TYR: variants seen among roughly 807,000 people sequenced by gnomAD.
TYR encodes the protein LB24-AB.
In TYR, 58 loss-of-function variants were observed where a neutral mutation model predicts 51.5. The ratio of observed to expected loss-of-function variants is 1.13; its 90% CI spans 0.91 to 1.40. The LOEUF (loss-of-function observed/expected upper bound fraction) is 1.40. Among genes scored for constraint, TYR ranks in the 40% most tolerant of loss-of-function variants. The pLI, the probability that TYR is intolerant of heterozygous loss-of-function variation, is 0.00. For missense variants in TYR, 732 were observed against 647.4 expected (o/e 1.13, Z -1.42); for synonymous variants, 263 against 235.2 (o/e 1.12, Z -1.08).
intron 3 of TYR, among the ~76,000 whole-genome samples, chr11:89,268,784 T>C (rs1397976045): frequency 1.3e-5 from 2 of 151,842 alleles, no homozygotes; most frequent in Admixed American, 1.3e-4. Context: ...CCTCCACCTC[T>C]CTGGGCTCAC....
intron 1 of TYR, among the ~76,000 whole-genome samples, chr11:89,189,953 T>G (rs903122765): frequency 2.6e-5 from 4 of 152,108 alleles, no homozygotes; most frequent in Non-Finnish European, 5.9e-5. Context: ...GCTGAAAAAT[T>G]CCTGTCACCC....
At chr11:89,190,079 T>C (rs2135251992) in intron 1 of TYR, among the ~76,000 whole-genome samples, 1 of 152,280 alleles carries the variant, frequency 6.6e-6, no homozygotes, top group South Asian at 2.1e-4. Context: ...CATAGCATTA[T>C]GTACACTACA....
intron 3 of TYR, among the ~76,000 whole-genome samples, chr11:89,247,486 A>T (rs1209202592): frequency 6.6e-6 from 1 of 152,340 alleles, no homozygotes; most frequent in East Asian, 1.9e-4. Context: ...GAATGTTCCT[A>T]CAACAATGTA....
chr11:89,220,764 C>T (rs1303995313), intron 2 of TYR, among the ~76,000 whole-genome samples: 1 of 151,906 alleles, frequency 6.6e-6, no homozygotes, highest in African/African-American at 2.4e-5. Flanking sequence ...CTCAAAAAAA[C>T]AAAACTCAAA....
At position 89,193,585 on chromosome 11, in the gene TYR, C is replaced by T. The variant is rs143668154; in HGVS notation, c.1036+2167C>T. 1.2e-4 allele frequency among the ~76,000 whole-genome samples: 19 copies of T among 152,118 alleles called. No homozygotes were observed. In the South Asian group the frequency reaches 3.7e-3, roughly 30 times the overall value. ...CAGTCGTTCGGTAAGTATCTGATAA[C>T]CGAGTATGTAAATAATAGCTAGAAT... is the stretch of plus-strand genomic sequence containing the variant. On this transcript the variant is annotated intron_variant, in intron 2 of 4. Coordinates refer to ENST00000263321, the MANE Select transcript of TYR (RefSeq NM_000372.5).
intron 2 of TYR, among the ~76,000 whole-genome samples, chr11:89,210,198 T>C (rs1943734240): frequency 6.6e-6 from 1 of 152,106 alleles, no homozygotes; most frequent in African/African-American, 2.4e-5. Context: ...TTTAAACCCA[T>C]CGCAAGAAAG....
chr11:89,177,902 CTG>C lies in TYR; in HGVS notation c.-49_-48del. The C allele has an allele frequency of 6.3e-7, 1 of 1,577,922 alleles. No homozygotes were observed. Among genetic ancestry groups the C allele is most frequent in the South Asian group, 1.1e-5 (1 of 89,986 alleles). On this transcript the variant is annotated 5_prime_UTR_variant, in exon 1 of 5. Transcript: ENST00000263321. ...TGTAGTAGTAGCTGGAAAGAGAAAT[CTG>C]TGACTCCAATTAGCCAGTTCCTGCA...
intron 1 of TYR, among the ~76,000 whole-genome samples, chr11:89,182,983 A>C (rs1383136790): frequency 6.6e-6 from 1 of 152,122 alleles, no homozygotes; most frequent in Non-Finnish European, 1.5e-5. Context: ...GTCACATTTC[A>C]GCAGAGAGTC....
chr11:89,213,214 A>T (rs1943785429), intron 2 of TYR, among the ~76,000 whole-genome samples: 1 of 152,240 alleles, frequency 6.6e-6, no homozygotes. Flanking sequence ...AAATCTCCTT[A>T]AGCTGATAAG....
chr11:89,230,282 G>C (rs765820356), intron 3 of TYR, among the ~76,000 whole-genome samples: 6 of 152,080 alleles, frequency 3.9e-5, no homozygotes, highest in African/African-American at 1.4e-4. Flanking sequence ...AATGGGGAAA[G>C]GACAGTGTCT....
chr11:89,184,970 A>G (rs1295004526), intron 1 of TYR, among the ~76,000 whole-genome samples: 1 of 152,194 alleles, frequency 6.6e-6, no homozygotes, highest in Non-Finnish European at 1.5e-5. Flanking sequence ...ACATTTGTTT[A>G]TACATGCTTA....
At chr11:89,203,027 A>G (rs903001706) in intron 2 of TYR, among the ~76,000 whole-genome samples, 1 of 152,206 alleles carries the variant, frequency 6.6e-6, no homozygotes, top group Non-Finnish European at 1.5e-5. Context: ...GACTTCTTTG[A>G]TATCTAAAAA....
intron 2 of TYR, among the ~76,000 whole-genome samples, chr11:89,226,601 G>C (rs901289727): frequency 6.6e-6 from 1 of 152,094 alleles, no homozygotes; most frequent in East Asian, 1.9e-4. Flanking sequence ...CAGAAACACT[G>C]TCAGTCACAA....
At chr11:89,208,033 C>T (rs565986792) in intron 2 of TYR, among the ~76,000 whole-genome samples, 1 of 152,230 alleles carries the variant, frequency 6.6e-6, no homozygotes, top group South Asian at 2.1e-4. Context: ...CTTTGGGAGG[C>T]CAAGGCGGGG....
chr11:89,178,089 T>C lies in TYR; in HGVS notation c.136T>C (p.Cys46Arg). ...CPPWSGDRSP[C>R]GQLSGRGSCQ... is the part of the protein sequence containing the mutation. ...ACCGTGGAGCGGGGACAGGAGTCCC[T>C]GTGGCCAGCTTTCAGGCAGAGGTTC... The change falls in exon 1 of 5, where the codon TGT (cysteine) becomes CGT (arginine). Residue 46 changes from cysteine to arginine, a missense_variant. Cys to Arg is a radical substitution (Grantham distance 180, BLOSUM62 -3). Coordinates refer to ENST00000263321, the MANE Select transcript of TYR (RefSeq NM_000372.5). 6.2e-7 allele frequency: 1 copy of C among 1,614,232 alleles called. No individual in the cohort carries two copies. The highest frequency in any genetic ancestry group is 8.5e-7 in the Non-Finnish European group (1 of 1,180,036).
At chr11:89,235,422 T>A (rs1193833281) in intron 3 of TYR, among the ~76,000 whole-genome samples, 1 of 152,170 alleles carries the variant, frequency 6.6e-6, no homozygotes, top group African/African-American at 2.4e-5. Context: ...ACAATCAAAC[T>A]AAGTGTCCAT....
At chr11:89,287,308 G>T (rs1409105738) in intron 4 of TYR, among the ~76,000 whole-genome samples, 1 of 151,696 alleles carries the variant, frequency 6.6e-6, no homozygotes, top group Non-Finnish European at 1.5e-5. Context: ...CTAGAAAAAT[G>T]CCACACCTCT....
intron 3 of TYR, among the ~76,000 whole-genome samples, chr11:89,265,317 C>T (rs1944512567): frequency 1.3e-5 from 2 of 152,026 alleles, no homozygotes; most frequent in Admixed American, 1.3e-4. Context: ...TAAGCTTTGT[C>T]AGACGGGCCC....
At chr11:89,242,496 C>T (rs1487498038) in intron 3 of TYR, among the ~76,000 whole-genome samples, 1 of 152,130 alleles carries the variant, frequency 6.6e-6, no homozygotes, top group Non-Finnish European at 1.5e-5. Context: ...AGGCATGAGC[C>T]ACTGTGCCCG....
Sources: allele counts gnomAD v4.1 joint callset (sites outside exome capture counted in the v4.1 genomes callset), GRCh38; gene constraint gnomAD v4.1.1; transcripts MANE v1.5; gene names NCBI Gene and HGNC (gene_info 2026-07-23, HGNC 2026-07-21).